The following DROSHA variants were observed in gnomAD, a reference collection of about 807,000 sequenced individuals.
DROSHA encodes the protein ribonuclease 3.
A neutral mutation model predicts 181.9 loss-of-function variants in DROSHA; 56 were observed. That is an observed-to-expected ratio of 0.31 (90% confidence interval 0.25 to 0.38). The LOEUF (loss-of-function observed/expected upper bound fraction) is 0.38. DROSHA is among the 10% of genes least tolerant of loss of function. The pLI, the probability that DROSHA is intolerant of heterozygous loss-of-function variation, is 1.00. For missense variants in DROSHA, 1,218 were observed against 1,743.5 expected (o/e 0.70, Z 5.37); for synonymous variants, 524 against 591.2 (o/e 0.89, Z 1.65).
intron 23 of DROSHA, among the ~76,000 whole-genome samples, chr5:31,441,404 A>C (rs1745581804): frequency 6.6e-6 from 1 of 152,116 alleles, no homozygotes; most frequent in African/African-American, 2.4e-5. Context: ...GTGGGAGACC[A>C]TGTCTCAAAA....
intron 25 of DROSHA, among the ~76,000 whole-genome samples, chr5:31,432,997 T>C (rs1250906825): frequency 6.6e-6 from 1 of 152,228 alleles, no homozygotes; most frequent in Non-Finnish European, 1.5e-5. Context: ...TAAATCCATT[T>C]CCATTACCAT....
chr5:31,521,363 A>C, intron 5 of DROSHA, 148 bp from the exon 6 acceptor site: 1 of 749,856 alleles, frequency 1.3e-6, no homozygotes, highest in Middle Eastern at 3.5e-4. Flanking sequence ...TGCCTTCTTA[A>C]TTTATTAGAG....
chr5:31,509,544 C>A (rs1738414672), intron 9 of DROSHA, among the ~76,000 whole-genome samples: 1 of 152,114 alleles, frequency 6.6e-6, no homozygotes, highest in Non-Finnish European at 1.5e-5. Flanking sequence ...GAAGAGGGAG[C>A]ATCGTAGGCA....
chr5:31,497,401 G>A (rs1019013636), intron 11 of DROSHA, among the ~76,000 whole-genome samples: 20 of 152,180 alleles, frequency 1.3e-4, no homozygotes, highest in Non-Finnish European at 2.4e-4. Flanking sequence ...CTGGAGACAC[G>A]CCAGCCGGCA....
intron 30 of DROSHA, among the ~76,000 whole-genome samples, chr5:31,417,784 TGTCGTCACAGTGTA>T (rs1461504236): frequency 6.6e-6 from 1 of 152,104 alleles, no homozygotes; most frequent in African/African-American, 2.4e-5. Context: ...GAATGGCTGG[TGTCGTCACAGTGTA>T]GTCACTGTAG....
chr5:31,518,340 G>A (rs564718642), intron 6 of DROSHA, among the ~76,000 whole-genome samples: 3 of 152,268 alleles, frequency 2.0e-5, no homozygotes, highest in South Asian at 2.1e-4. Context: ...GTATTTTTAC[G>A]ACATGGTCAT....
At chr5:31,466,449 A>C in intron 18 of DROSHA, 168 bp from the exon 19 acceptor site, 1 of 586,478 alleles carries the variant, frequency 1.7e-6, no homozygotes, top group Non-Finnish European at 3.0e-6. Context: ...TGAGGCTGAG[A>C]GTCAGGATGG....
At chr5:31,454,683 G>C (rs888186383) in intron 20 of DROSHA, among the ~76,000 whole-genome samples, 1 of 152,108 alleles carries the variant, frequency 6.6e-6, no homozygotes, top group Non-Finnish European at 1.5e-5. Flanking sequence ...GTTCACACCT[G>C]TAATCCCAGC....
intron 10 of DROSHA, among the ~76,000 whole-genome samples, chr5:31,508,402 T>G (rs996250220): frequency 1.3e-5 from 2 of 152,144 alleles, no homozygotes; most frequent in African/African-American, 4.8e-5. Flanking sequence ...CTCCCCAACA[T>G]GGAATTTACA....
chr5:31,401,269 C>G lies in DROSHA; in HGVS notation c.*163G>C. 4.1e-6 allele frequency: 4 copies of G among 981,760 alleles called. No individual in the cohort carries two copies. The South Asian group carries it at 5.4e-5, about 13-fold the overall frequency. 60.8% of individuals were successfully genotyped at this position (981,760 alleles called of 1,614,324 possible). ...TCTAATACTTTGTAATAAAGACCAT[C>G]CAGCTAAAAACAGATCATTAAAACA... is the stretch of plus-strand genomic sequence containing the variant. On this transcript the variant is annotated 3_prime_UTR_variant, in exon 36 of 36. Transcript: ENST00000344624.
In DROSHA at chr5:31,508,826, G is replaced by GTTTT. The variant is rs66622695; in HGVS notation, c.1433-55_1433-52dup. Reference sequence around the variant, plus strand: ...AGAAATTGATGGAATTAACAAACTGGTTTTTTTTTTTCCCTGAGTTGGAGT... The same window carrying GTTTT: ...AGAAATTGATGGAATTAACAAACTGGTTTTTTTTTTTTTTTCCCTGAGTTGGAGT... On this transcript the variant is annotated intron_variant, in intron 9 of 35. Transcript: ENST00000344624. 1.5e-3 allele frequency: 2,117 copies of GTTTT among 1,387,284 alleles called. 2 individuals carry two copies. Among genetic ancestry groups the GTTTT allele is most frequent in the South Asian group, 2.2e-3 (154 of 70,936 alleles). The allele number at this position is 1,387,284 out of a possible 1,614,324, so 85.9% of individuals were successfully genotyped here. A position where few individuals can be genotyped will look rare whatever the true frequency, so the allele number is the denominator to read the frequency against.
chr5:31,429,774 T>C (rs1256398708), intron 26 of DROSHA, among the ~76,000 whole-genome samples: 1 of 152,174 alleles, frequency 6.6e-6, no homozygotes, highest in Non-Finnish European at 1.5e-5. Flanking sequence ...CTAAATCTAA[T>C]ATTGTAAGTA....
chr5:31,472,204 G>A lies in DROSHA; in HGVS notation c.2100C>T (p.His700=). 1 of 1,612,214 alleles carries A rather than the reference G, an allele frequency of 6.2e-7. No individual in the cohort carries two copies. Among genetic ancestry groups the A allele is most frequent in the Non-Finnish European group, 8.5e-7 (1 of 1,179,032 alleles). Reference sequence around the variant, plus strand: ...ACCTTAACAAGTACAGGAGAATCTGGTGCATGGACAGCACTTCCTTTCCTC... The same window carrying A: ...ACCTTAACAAGTACAGGAGAATCTGATGCATGGACAGCACTTCCTTTCCTC... ...PDGGKEVLSM[H]QILLYLLRCS... The change falls in exon 17 of 36, where the codon CAC becomes CAT. Residue 700 remains histidine, a synonymous_variant. Transcript: ENST00000344624.
At chr5:31,457,331 G>T (rs1194553816) in intron 20 of DROSHA, among the ~76,000 whole-genome samples, 1 of 151,796 alleles carries the variant, frequency 6.6e-6, no homozygotes, top group Non-Finnish European at 1.5e-5. Context: ...CACCATGTTG[G>T]CCAGGCTGGT....
chr5:31,529,736 A>AAC (rs1741037554), intron 3 of DROSHA, among the ~76,000 whole-genome samples: 2 of 97,064 alleles, frequency 2.1e-5, no homozygotes, highest in African/African-American at 1.1e-4. Context: ...AAAACAAACA[A>AAC]AAAAAAAAAA....
At chr5:31,461,576 C>A (rs1223197613) in intron 20 of DROSHA, among the ~76,000 whole-genome samples, 1 of 152,132 alleles carries the variant, frequency 6.6e-6, no homozygotes, top group Non-Finnish European at 1.5e-5. Flanking sequence ...TTTATTCCCA[C>A]ATTCATAAAA....
intron 13 of DROSHA, among the ~76,000 whole-genome samples, chr5:31,490,447 C>T (rs1752275792): frequency 2.6e-5 from 4 of 152,136 alleles, no homozygotes; most frequent in African/African-American, 9.7e-5. Flanking sequence ...GCCAGGATTA[C>T]AGGTGTGAGC....
chr5:31,414,508 A>C (rs112537326), intron 30 of DROSHA, among the ~76,000 whole-genome samples: 59 of 152,288 alleles, frequency 3.9e-4, no homozygotes, highest in African/African-American at 1.4e-3. Context: ...AGTTAAGTGA[A>C]CCTGTCTAAG....
chr5:31,445,888 T>G (rs1387702541), intron 23 of DROSHA, among the ~76,000 whole-genome samples: 1 of 152,208 alleles, frequency 6.6e-6, no homozygotes, highest in Non-Finnish European at 1.5e-5. Context: ...CTGCTCTCAA[T>G]ACTTCTATTC....
Sources: allele counts gnomAD v4.1 joint callset (sites outside exome capture counted in the v4.1 genomes callset), GRCh38; gene constraint gnomAD v4.1.1; transcripts MANE v1.5; gene names NCBI Gene and HGNC (gene_info 2026-07-23, HGNC 2026-07-21).